POLA2: variants seen among roughly 807,000 people sequenced by gnomAD.
The protein encoded by POLA2 is DNA polymerase alpha subunit B.
In POLA2, 47 loss-of-function variants were observed where a neutral mutation model predicts 82.8. The observed-to-expected ratio is 0.57, with a 90% CI of 0.45 to 0.72. The LOEUF (loss-of-function observed/expected upper bound fraction) is 0.72, where lower values mean the gene tolerates loss of function less well. POLA2 is among the 30% of genes least tolerant of loss of function. POLA2 has a pLI of 0.00. For missense variants in POLA2, 634 were observed against 728.1 expected (o/e 0.87, Z 1.49); for synonymous variants, 287 against 286.8 (o/e 1.00, Z -0.01).
Position 65,297,496 on chromosome 11 carries a change from C to G in POLA2, c.*227C>G, listed in dbSNP as rs756471737. 9.6e-6 allele frequency: 4 copies of G among 416,846 alleles called. No individual in the cohort carries two copies. The highest frequency in any genetic ancestry group is 4.2e-6 in the Non-Finnish European group (1 of 237,946). 25.8% of individuals were successfully genotyped at this position (416,846 alleles called of 1,614,324 possible). A position where few individuals can be genotyped will look rare whatever the true frequency, so the allele number is the denominator to read the frequency against. ...AAGCTCTTGCTTCTCAGTCCATGCTCCGTGTCCAGAAGTAAGCCAGCTGTG... is the reference window on the plus strand; with the variant it reads ...AAGCTCTTGCTTCTCAGTCCATGCTGCGTGTCCAGAAGTAAGCCAGCTGTG... On this transcript the variant is annotated 3_prime_UTR_variant, in exon 18 of 18. Coordinates refer to ENST00000265465, the MANE Select transcript of POLA2 (RefSeq NM_002689.4).
At chr11:65,269,486 C>CAAAAAA (rs1294987727) in intron 4 of POLA2, among the ~76,000 whole-genome samples, 3 of 99,992 alleles carry the variant, frequency 3.0e-5, no homozygotes, top group African/African-American at 4.9e-5. Flanking sequence ...GACTCCGTCT[C>CAAAAAA]AAAAAAAAAA....
intron 10 of POLA2, chr11:65,287,476 C>A: frequency 2.8e-6 from 1 of 359,146 alleles, no homozygotes; most frequent in Non-Finnish European, 5.1e-6. Context: ...ATGTGCACAG[C>A]TCATAAAGTT....
intron 1 of POLA2, among the ~76,000 whole-genome samples, chr11:65,264,086 T>C (rs1949431880): frequency 1.3e-5 from 2 of 152,136 alleles, no homozygotes; most frequent in African/African-American, 2.4e-5. Flanking sequence ...TGTTTTGTTT[T>C]TTGAGATGGA....
chr11:65,282,877 C>G (rs1949656013), intron 10 of POLA2, among the ~76,000 whole-genome samples: 2 of 152,148 alleles, frequency 1.3e-5, no homozygotes, highest in Admixed American at 1.3e-4. Flanking sequence ...ACCTGTATTC[C>G]CAACACTTTG....
chr11:65,289,539 A>G (rs879915843), intron 12 of POLA2, among the ~76,000 whole-genome samples: 2 of 152,084 alleles, frequency 1.3e-5, no homozygotes, highest in Non-Finnish European at 2.9e-5. Context: ...ACGATACTTT[A>G]CCTTCCATGG....
rs1949402234 is a variant in POLA2, at chr11:65,261,982, G to T, written c.-311G>T. On this transcript the variant is annotated 5_prime_UTR_variant, in exon 1 of 18. Coordinates refer to ENST00000265465, the MANE Select transcript of POLA2 (RefSeq NM_002689.4). ...CACTCAGTTCTGCCACCGTCACTGA[G>T]AAGCTCAGCGGTAGCTTTTGGGAAG... is the stretch of plus-strand genomic sequence containing the variant. The T allele has an allele frequency of 4.5e-6, 2 of 441,094 alleles. No individual in the cohort carries two copies. The highest frequency in any genetic ancestry group is 3.0e-5 in the South Asian group (1 of 33,410). 27.3% of individuals were successfully genotyped at this position (441,094 alleles called of 1,614,324 possible).
rs143904136 is a variant in POLA2, at chr11:65,289,848, G to A, written c.1220G>A (p.Arg407Gln). 6.9e-5 allele frequency: 111 copies of A among 1,609,680 alleles called. No individual in the cohort carries two copies. In the African/African-American group the frequency reaches 1.0e-3, roughly 15 times the overall value. Residue 407 changes from arginine (R) to glutamine (Q), a missense_variant, in exon 13 of 18, where the codon CGA (arginine) becomes CAA (glutamine). Transcript: ENST00000265465. Reference sequence around the variant, plus strand: ...GAAGACATTTTCAAGCAGTGTCTACGAACAATTATTGAAGGCACAAGAAGG... The same window carrying A: ...GAAGACATTTTCAAGCAGTGTCTACAAACAATTATTGAAGGCACAAGAAGG... Reference protein sequence around the residue: ...PFEDIFKQCLRTIIEGTRSSG... With the variant: ...PFEDIFKQCLQTIIEGTRSSG...
chr11:65,277,364 G>A (rs1301337741), intron 5 of POLA2, among the ~76,000 whole-genome samples: 4 of 152,022 alleles, frequency 2.6e-5, no homozygotes, highest in Non-Finnish European at 5.9e-5. Flanking sequence ...TTTTTGTAGA[G>A]ATGGGGTTTT....
Position 65,289,889 on chromosome 11 carries a change from C to A in POLA2, c.1244+17C>A, listed in dbSNP as rs765159507. The stretch of plus-strand genomic sequence containing the variant: ...CACAAGAAGGTCAGATTTCAAAATA[C>A]TGGACAGAACCTTAAGCTTCTTAGG... On this transcript the variant is annotated intron_variant, in intron 13 of 17. Coordinates refer to ENST00000265465, the MANE Select transcript of POLA2 (RefSeq NM_002689.4). The A allele has an allele frequency of 6.6e-7, 1 of 1,508,724 alleles. No individual in the cohort carries two copies. The highest frequency in any genetic ancestry group is 1.4e-5 in the African/African-American group (1 of 72,916). The allele number at this position is 1,508,724 out of a possible 1,614,324, so 93.5% of individuals were successfully genotyped here. A position where few individuals can be genotyped will look rare whatever the true frequency, so the allele number is the denominator to read the frequency against.
intron 4 of POLA2, among the ~76,000 whole-genome samples, chr11:65,274,299 T>TGAGGTTGCAGTGAGCC (rs1949552954): frequency 6.7e-6 from 1 of 149,968 alleles, no homozygotes; most frequent in African/African-American, 2.5e-5. Flanking sequence ...TGCAGTGAGC[T>TGAGGTTGCAGTGAGCC]GAGGTTGCAG....
intron 4 of POLA2, among the ~76,000 whole-genome samples, chr11:65,273,382 T>G (rs1590895006): frequency 6.6e-6 from 1 of 152,162 alleles, no homozygotes; most frequent in East Asian, 1.9e-4. Flanking sequence ...ATGAATCGTA[T>G]GAGCTTGGTT....
intron 10 of POLA2, among the ~76,000 whole-genome samples, chr11:65,283,036 C>G (rs1162543472): frequency 2.0e-5 from 3 of 152,120 alleles, no homozygotes; most frequent in Admixed American, 2.0e-4. Flanking sequence ...GAGGCTGAGA[C>G]AGGAGGATTG....
At chr11:65,295,655 C>A in intron 16 of POLA2, 56 bp downstream of exon 16, 1 of 1,477,644 alleles carries the variant, frequency 6.8e-7, no homozygotes. Context: ...GGTCATGGAG[C>A]TATGACAAGC....
intron 8 of POLA2, 75 bp downstream of exon 8, chr11:65,281,222 G>A (rs961675812): frequency 2.5e-5 from 37 of 1,479,196 alleles, no homozygotes; most frequent in Non-Finnish European, 3.4e-5. Flanking sequence ...GCCATGCGCA[G>A]CTGCTCCTCA....
At chr11:65,285,556 G>C (rs372562402) in intron 10 of POLA2, among the ~76,000 whole-genome samples, 5 of 143,964 alleles carry the variant, frequency 3.5e-5, no homozygotes, top group African/African-American at 7.9e-5. Context: ...GCCTAGGAGT[G>C]AGAGTGAGAT....
At chr11:65,284,522 T>G (rs79036631) in intron 10 of POLA2, among the ~76,000 whole-genome samples, 1 of 148,650 alleles carries the variant, frequency 6.7e-6, no homozygotes, top group Non-Finnish European at 1.5e-5. Flanking sequence ...CAAGGCATTG[T>G]TTTTTTTTTC....
At chr11:65,272,906 C>G (rs1159531426) in intron 4 of POLA2, among the ~76,000 whole-genome samples, 1 of 151,410 alleles carries the variant, frequency 6.6e-6, no homozygotes, top group African/African-American at 2.4e-5. Context: ...CCCAGCTACT[C>G]GGGAGGCTGA....
At position 65,287,815 on chromosome 11, in the gene POLA2, A is replaced by G; in HGVS notation, c.1106A>G (p.His369Arg). ...PLLDLIAVIN[H>R]DRPDVCILFG... ...CTTGACCTGATTGCTGTCATCAACC[A>G]TGACCGGCCAGATGTCTGCATCCTG... Residue 369 changes from histidine to arginine, a missense_variant, in exon 11 of 18, where the codon CAT becomes CGT. Coordinates refer to ENST00000265465, the MANE Select transcript of POLA2 (RefSeq NM_002689.4). The G allele has an allele frequency of 5.0e-6, 8 of 1,613,900 alleles. No individual in the cohort carries two copies. Among genetic ancestry groups the G allele is most frequent in the Non-Finnish European group, 6.8e-6 (8 of 1,179,948 alleles).
At chr11:65,289,942 T>C (rs185239489) in intron 13 of POLA2, 70 bp downstream of exon 13, 3 of 1,027,596 alleles carry the variant, frequency 2.9e-6, no homozygotes, top group East Asian at 2.5e-5. Flanking sequence ...ATTAAGAAAC[T>C]GAAACTGCTT....
Sources: allele counts gnomAD v4.1 joint callset (sites outside exome capture counted in the v4.1 genomes callset), GRCh38; gene constraint gnomAD v4.1.1; transcripts MANE v1.5; gene names NCBI Gene and HGNC (gene_info 2026-07-23, HGNC 2026-07-21).